The following CYP2C8 variants were observed in gnomAD, a reference collection of about 807,000 sequenced individuals.
CYP2C8 encodes the protein cytochrome P450 2C8.
A neutral mutation model predicts 41.3 loss-of-function variants in CYP2C8; 51 were observed. The observed-to-expected ratio is 1.24, with a 90% confidence interval of 0.99 to 1.56. CYP2C8 has a LOEUF of 1.56. Among genes scored for constraint, CYP2C8 ranks in the 40% most tolerant of loss-of-function variants. The pLI, the probability that CYP2C8 is intolerant of heterozygous loss-of-function variation, is 0.00. For missense variants in CYP2C8, 651 were observed against 579.9 expected (o/e 1.12, Z -1.26); for synonymous variants, 218 against 205.8 (o/e 1.06, Z -0.51).
intron 7 of CYP2C8, 54 bp from the exon 8 acceptor site, chr10:95,039,092 G>C: frequency 1.3e-6 from 2 of 1,500,194 alleles, no homozygotes; most frequent in East Asian, 2.3e-5. Flanking sequence ...GAAGTGAGGA[G>C]AAGTAGTGGA....
In CYP2C8 at chr10:95,058,337, G is replaced by T; in HGVS notation, c.817C>A (p.Gln273Lys). ...FIDCFLIKME[Q>K]EKDNQKSEFN... ...CTGATCTGTTGCTAATATCTTACCT[G>T]CTCCATTTTGATCAGGAAGCAATCG... is the stretch of plus-strand genomic sequence containing the variant. Residue 273 changes from glutamine (Q) to lysine (K), a missense_variant and splice_region_variant, in exon 5 of 9, where the codon CAG becomes AAG. Gln to Lys is a moderately conservative substitution (Grantham distance 53). Transcript: ENST00000371270. 6.2e-7 allele frequency: 1 copy of T among 1,612,936 alleles called. No individual in the cohort carries two copies. Among genetic ancestry groups the T allele is most frequent in the Non-Finnish European group, 8.5e-7 (1 of 1,179,408 alleles).
At chr10:95,066,153 A>AGTGTGTGTGTGTGT (rs113983526) in intron 3 of CYP2C8, among the ~76,000 whole-genome samples, 1 of 88,284 alleles carries the variant, frequency 1.1e-5, no homozygotes, top group African/African-American at 4.5e-5. Context: ...AGAGAGAGAG[A>AGTGTGTGTGTGTGT]GTGTGTGTGT....
intron 4 of CYP2C8, among the ~76,000 whole-genome samples, chr10:95,062,965 CCA>C (rs1348090689): frequency 6.6e-6 from 1 of 152,194 alleles, no homozygotes; most frequent in Non-Finnish European, 1.5e-5. Flanking sequence ...TGAATATTGG[CCA>C]CCACTCTCTT....
Position 95,036,923 on chromosome 10 carries a change from CA to C in CYP2C8, c.*204del, listed in dbSNP as rs371313864. On this transcript the variant is annotated 3_prime_UTR_variant, in exon 9 of 9. Transcript: ENST00000371270. Reference sequence around the variant, plus strand: ...GTATTAGCATATGCAGCAATTAATACAAGTGTTACAGAGTATGAATAATTGC... The same window carrying C: ...GTATTAGCATATGCAGCAATTAATACAGTGTTACAGAGTATGAATAATTGC... 6.9e-4 allele frequency: 423 copies of C among 611,832 alleles called. 3 individuals carry two copies. In the East Asian group the frequency reaches 0.011, roughly 16 times the overall value. The allele number at this position is 611,832 out of a possible 1,614,324, so 37.9% of individuals were successfully genotyped here.
intron 7 of CYP2C8, among the ~76,000 whole-genome samples, chr10:95,041,376 C>G (rs1316541612): frequency 6.6e-6 from 1 of 152,238 alleles, no homozygotes; most frequent in African/African-American, 2.4e-5. Context: ...GTGTTTGCCT[C>G]ACTGCCTTAC....
Position 95,041,674 on chromosome 10 carries a change from G to A in CYP2C8, c.1149+1216C>T, listed in dbSNP as rs544705857. Among the ~76,000 whole-genome samples, 762 of 151,420 alleles carry A rather than the reference G, an allele frequency of 5.0e-3. 7 individuals are homozygous for A. Among genetic ancestry groups the A allele is most frequent in the African/African-American group, 0.017 (712 of 41,298 alleles). Reference sequence around the variant, plus strand: ...CGGGCGCCTGTAGTCCCAGCTACTCGGGAGGCTGAGGCAGGAGAATGGCGT... The same window carrying A: ...CGGGCGCCTGTAGTCCCAGCTACTCAGGAGGCTGAGGCAGGAGAATGGCGT... On this transcript the variant is annotated intron_variant, in intron 7 of 8. Transcript: ENST00000371270.
rs11572103 is a variant in CYP2C8 at position 95,058,349 on chromosome 10, T to A, written c.805A>T (p.Ile269Phe). ...NPRDFIDCFLIKMEQEKDNQK... is the reference protein window; with the variant it reads ...NPRDFIDCFLFKMEQEKDNQK... ...TAATATCTTACCTGCTCCATTTTGA[T>A]CAGGAAGCAATCGATAAAGTCCCGA... Residue 269 changes from isoleucine to phenylalanine, a missense_variant, in exon 5 of 9, where the codon ATC (isoleucine) becomes TTC (phenylalanine). Coordinates refer to ENST00000371270, the MANE Select transcript of CYP2C8 (RefSeq NM_000770.3). 18,117 of 1,613,126 alleles carry A rather than the reference T, an allele frequency of 0.011. 1,010 individuals are homozygous for A. The African/African-American group carries it at 0.16, about 14-fold the overall frequency.
At chr10:95,062,757 G>A (rs998937542) in intron 4 of CYP2C8, among the ~76,000 whole-genome samples, 2 of 151,718 alleles carry the variant, frequency 1.3e-5, no homozygotes, top group African/African-American at 2.4e-5. Flanking sequence ...ACAATCTGAT[G>A]TTTTTGCAGT....
In CYP2C8 at chr10:95,036,904, G is replaced by C. The variant is rs2032892380; in HGVS notation, c.*224C>G. 2 of 576,212 alleles carry C rather than the reference G, an allele frequency of 3.5e-6. No individual in the cohort carries two copies. The highest frequency in any genetic ancestry group is 2.8e-5 in the Admixed American group (1 of 35,576). 35.7% of individuals were successfully genotyped at this position (576,212 alleles called of 1,614,324 possible). A position where few individuals can be genotyped will look rare whatever the true frequency, so the allele number is the denominator to read the frequency against. On this transcript the variant is annotated 3_prime_UTR_variant, in exon 9 of 9. Coordinates refer to ENST00000371270, the MANE Select transcript of CYP2C8 (RefSeq NM_000770.3). ...AAAAGTCAGCATTAGAAAAGTATTA[G>C]CATATGCAGCAATTAATACAAGTGT...
chr10:95,057,362 C>T (rs950117925), intron 5 of CYP2C8, among the ~76,000 whole-genome samples: 3 of 152,118 alleles, frequency 2.0e-5, no homozygotes, highest in African/African-American at 7.2e-5. Flanking sequence ...TGAATTTCAT[C>T]TCAATATTTA....
In CYP2C8 at chr10:95,064,899, A is replaced by G. The variant is rs750080148; in HGVS notation, c.543T>C (p.Val181=). 2.5e-6 allele frequency: 4 copies of G among 1,613,726 alleles called. No individual in the cohort carries two copies. Residue 181 remains valine, a synonymous_variant, in exon 4 of 9, where the codon GTT becomes GTC. Transcript: ENST00000371270. The stretch of plus-strand genomic sequence containing the variant: ...TATAATCAAATCGTTTCTGGAAAAC[A>G]ACGGAGCAGATCACATTGCAGGGAG... ...GCAPCNVICS[V]VFQKRFDYKD...
chr10:95,061,171 G>A (rs2033420171), intron 4 of CYP2C8, among the ~76,000 whole-genome samples: 2 of 152,190 alleles, frequency 1.3e-5, no homozygotes, highest in East Asian at 1.9e-4. Context: ...GAGTTAGGGA[G>A]GATTCCCTCT....
At position 95,069,412 on chromosome 10, in the gene CYP2C8, CTCT is replaced by C. The variant is rs774808191; in HGVS notation, c.-13_-11del. On this transcript the variant is annotated 5_prime_UTR_variant, in exon 1 of 9. Transcript: ENST00000371270. ...CCACAAAAGGTTCCATTGAAGCCTT[CTCT>C]TCTTATTAAGACAGCTGTGAGCTTG... The C allele has an allele frequency of 1.9e-5, 30 of 1,613,460 alleles. No homozygotes were observed. The highest frequency in any genetic ancestry group is 8.8e-5 in the South Asian group (8 of 91,058).
Position 95,068,577 on chromosome 10 carries a change from T to G in CYP2C8, c.168+658A>C, listed in dbSNP as rs928731141. On this transcript the variant is annotated intron_variant, in intron 1 of 8. Coordinates refer to ENST00000371270, the MANE Select transcript of CYP2C8 (RefSeq NM_000770.3). ...TAGTAGAGAACTTATTGGATGAAAT[T>G]TCTAATCACACACACTTCCCTTCAC... is the stretch of plus-strand genomic sequence containing the variant. 4 of 1,287,762 alleles carry G rather than the reference T, an allele frequency of 3.1e-6. No homozygotes were observed. The African/African-American group carries it at 6.1e-5, about 20-fold the overall frequency. The allele number at this position is 1,287,762 out of a possible 1,614,324, so 79.8% of individuals were successfully genotyped here. A position where few individuals can be genotyped will look rare whatever the true frequency, so the allele number is the denominator to read the frequency against.
chr10:95,060,862 G>A (rs1309147732), intron 4 of CYP2C8, among the ~76,000 whole-genome samples: 1 of 152,118 alleles, frequency 6.6e-6, no homozygotes, highest in African/African-American at 2.4e-5. Flanking sequence ...AAGTGCTGTT[G>A]AATTTTTTAA....
At chr10:95,044,388 T>C (rs1437169010) in intron 6 of CYP2C8, among the ~76,000 whole-genome samples, 3 of 152,204 alleles carry the variant, frequency 2.0e-5, no homozygotes, top group Non-Finnish European at 4.4e-5. Context: ...CCTTTACTTC[T>C]GGTGCTCTGA....
chr10:95,044,646 T>G (rs1480219303), intron 6 of CYP2C8, among the ~76,000 whole-genome samples: 1 of 152,172 alleles, frequency 6.6e-6, no homozygotes, highest in Non-Finnish European at 1.5e-5. Flanking sequence ...TCTCACAGTT[T>G]CCTGGCCCTG....
At chr10:95,046,764 AAAAAG>A in intron 5 of CYP2C8, among the ~76,000 whole-genome samples, 1 of 151,752 alleles carries the variant, frequency 6.6e-6, no homozygotes, top group Non-Finnish European at 1.5e-5. Context: ...AAAAAAAAAA[AAAAAG>A]AAGGCACTTG....
Position 95,064,789 on chromosome 10 carries a change from C to G in CYP2C8, c.642+11G>C, listed in dbSNP as rs1381828262. ...AAATGGTTTCCAAGGAAAATAAAAT[C>G]TTGGCCTTACCTGGATCCATGGGGA... On this transcript the variant is annotated intron_variant, in intron 4 of 8. Transcript: ENST00000371270. The G allele has an allele frequency of 9.9e-6, 16 of 1,613,224 alleles. No individual in the cohort carries two copies. Among genetic ancestry groups the G allele is most frequent in the Non-Finnish European group, 1.4e-5 (16 of 1,179,358 alleles).
Sources: allele counts gnomAD v4.1 joint callset (sites outside exome capture counted in the v4.1 genomes callset), GRCh38; gene constraint gnomAD v4.1.1; transcripts MANE v1.5; gene names NCBI Gene and HGNC (gene_info 2026-07-23, HGNC 2026-07-21).